TTC34: variants seen among roughly 807,000 people sequenced by gnomAD.
TTC34 encodes the protein tetratricopeptide repeat domain 34, also known as tetratricopeptide repeat protein 34.
Under a neutral mutation model 40.7 loss-of-function variants are expected in TTC34, and 44 were observed. The observed-to-expected ratio is 1.08, with a 90% CI of 0.85 to 1.39. The LOEUF (loss-of-function observed/expected upper bound fraction) is 1.39, where lower values mean the gene tolerates loss of function less well. Among genes scored for constraint, TTC34 ranks in the 40% most tolerant of loss-of-function variants. TTC34 has a pLI of 0.00. For synonymous variants in TTC34, 422 were observed against 398.6 expected, an observed-to-expected ratio of 1.06 and a Z score of -0.70; for missense variants, 884 against 838.0, an observed-to-expected ratio of 1.05 and a Z score of -0.68.
At chr1:2,784,791 T>C (rs1463128743) in intron 5 of TTC34, among the ~76,000 whole-genome samples, 1 of 152,278 alleles carries the variant, frequency 6.6e-6, no homozygotes, top group Non-Finnish European at 1.5e-5. Context: ...ATTTGTATCA[T>C]GACTATTCTT....
intron 6 of TTC34, among the ~76,000 whole-genome samples, chr1:2,646,918 C>T (rs1639030141): frequency 6.6e-6 from 1 of 152,314 alleles, no homozygotes; most frequent in Admixed American, 6.5e-5. Context: ...TTCTGAAGGA[C>T]ATTTTAACAA....
chr1:2,797,771 G>A (rs1046379251), intron 2 of TTC34, among the ~76,000 whole-genome samples: 3 of 151,918 alleles, frequency 2.0e-5, no homozygotes, highest in Non-Finnish European at 2.9e-5. Flanking sequence ...CAAACTGGGG[G>A]CGTCTAAACC....
At chr1:2,789,615 C>A in exon 3 of TTC34, 1 of 1,382,074 alleles carries the variant, frequency 7.2e-7, no homozygotes, top group East Asian at 3.1e-5. Context: ...TCCCGCAGCA[C>A]CACCAGCAGC....
chr1:2,781,312 T>A (rs1643479646), intron 6 of TTC34, among the ~76,000 whole-genome samples: 1 of 152,242 alleles, frequency 6.6e-6, no homozygotes, highest in African/African-American at 2.4e-5. Context: ...TGACTGTATT[T>A]TCTTAATTCC....
intron 6 of TTC34, among the ~76,000 whole-genome samples, chr1:2,653,658 GAGCATCTGACAGCC>G (rs1350880725): frequency 2.6e-5 from 4 of 151,500 alleles, no homozygotes; most frequent in Non-Finnish European, 3.0e-5. Flanking sequence ...ACCCCCAGGC[GAGCATCTGACAGCC>G]TGGAACAGCA....
chr1:2,687,909 C>T, intron 6 of TTC34, among the ~76,000 whole-genome samples: 2 of 147,848 alleles, frequency 1.4e-5, no homozygotes, highest in African/African-American at 2.4e-5. Context: ...ATCTGACAGA[C>T]TGGAACAGCA....
intron 6 of TTC34, among the ~76,000 whole-genome samples, chr1:2,748,096 GACCTCCCA>G (rs1641209357): frequency 1.7e-5 from 1 of 58,616 alleles, no homozygotes; most frequent in Non-Finnish European, 2.8e-5. Flanking sequence ...GTGAGCATTT[GACCTCCCA>G]GAGCAGCACC....
At chr1:2,760,638 C>T (rs1255605538) in intron 6 of TTC34, among the ~76,000 whole-genome samples, 2 of 16,792 alleles carry the variant, frequency 1.2e-4, no homozygotes, top group Non-Finnish European at 1.7e-4. Flanking sequence ...TGGAGCAGCG[C>T]CCACACCTCC....
intron 6 of TTC34, among the ~76,000 whole-genome samples, chr1:2,751,356 G>A (rs1419156364): frequency 2.1e-3 from 158 of 74,298 alleles, no homozygotes; most frequent in African/African-American, 6.4e-3. Flanking sequence ...AGCCTGGGTC[G>A]GCACCCACAC....
intron 6 of TTC34, among the ~76,000 whole-genome samples, chr1:2,685,792 C>T (rs1377912097): frequency 6.3e-5 from 8 of 127,068 alleles, no homozygotes; most frequent in Admixed American, 4.0e-4. Context: ...TGGAACAGAA[C>T]CCACACCCCC....
At position 2,752,365 on chromosome 1, in the gene TTC34, C is replaced by G. The variant is rs1263306056; in HGVS notation, c.2226+31244G>C. On this transcript the variant is annotated intron_variant, in intron 6 of 8. Transcript: ENST00000401095. ...AGCATCTGACCGCCTGGAACAGCAC[C>G]CACACCCCCAGGCGAGCATCTGAGA... Among the ~76,000 whole-genome samples, 5 of 24,764 alleles carry G rather than the reference C, an allele frequency of 2.0e-4. 1 individual carries two copies. Among genetic ancestry groups the G allele is most frequent in the Non-Finnish European group, 4.5e-4 (4 of 8,982 alleles). 16.2% of individuals were successfully genotyped at this position (24,764 alleles called of 152,430 possible).
At chr1:2,684,394 A>C (rs1278261648) in intron 6 of TTC34, among the ~76,000 whole-genome samples, 1 of 120,672 alleles carries the variant, frequency 8.3e-6, no homozygotes, top group Non-Finnish European at 1.7e-5. Context: ...CAGAATCCAC[A>C]CCCCCAGGTG....
chr1:2,749,842 C>T (rs1641259240), intron 6 of TTC34, among the ~76,000 whole-genome samples: 23 of 136,432 alleles, frequency 1.7e-4, no homozygotes, highest in Admixed American at 2.3e-4. Flanking sequence ...ACAGCACCCA[C>T]ACCCCCAGGT....
exon 3 of TTC34, chr1:2,790,273 C>T (rs1643648583): frequency 7.5e-6 from 3 of 398,382 alleles, no homozygotes; most frequent in Admixed American, 8.8e-5. Flanking sequence ...GGTTCCAAAA[C>T]ACGTCCTGGG....
chr1:2,644,392 G>A, exon 8 of TTC34: 2 of 1,536,018 alleles, frequency 1.3e-6, no homozygotes, highest in East Asian at 2.4e-5. Context: ...TTGAGCTGGA[G>A]CAGGCCCAGC....
intron 6 of TTC34, among the ~76,000 whole-genome samples, chr1:2,749,502 C>G (rs1369359559): frequency 6.8e-5 from 5 of 73,686 alleles, no homozygotes; most frequent in Middle Eastern, 8.3e-3. Context: ...GAGCATTGGA[C>G]AGCCTGGAGC....
Position 2,789,492 on chromosome 1 carries a change from C to T in TTC34, c.1628+11G>A. On this transcript the variant is annotated intron_variant, in intron 3 of 8. Coordinates refer to ENST00000401095, the Ensembl canonical transcript of TTC34. ...AAGCAGCGGCCCCAGCGTGCCCGGG[C>T]GGGTCCTCACCCCTCCTGCGTGGTG... 6.6e-7 allele frequency: 1 copy of T among 1,507,742 alleles called. No individual in the cohort carries two copies. Among genetic ancestry groups the T allele is most frequent in the Non-Finnish European group, 8.8e-7 (1 of 1,132,222 alleles). The allele number at this position is 1,507,742 out of a possible 1,614,324, so 93.4% of individuals were successfully genotyped here.
intron 2 of TTC34, among the ~76,000 whole-genome samples, chr1:2,791,041 A>G (rs575526974): frequency 4.2e-4 from 64 of 152,314 alleles, no homozygotes; most frequent in African/African-American, 1.5e-3. Flanking sequence ...ATCTACCTAC[A>G]TCCAGTGCCT....
In TTC34 at chr1:2,688,620, C is replaced by T. The variant is rs375447207; in HGVS notation, c.2227-43057G>A. 3.8e-4 allele frequency among the ~76,000 whole-genome samples: 35 copies of T among 90,978 alleles called. No homozygotes were observed. The East Asian group carries it at 0.011, about 29-fold the overall frequency. The allele number at this position is 90,978 out of a possible 152,430, so 59.7% of individuals were successfully genotyped here. On this transcript the variant is annotated intron_variant, in intron 6 of 8. Coordinates refer to ENST00000401095, the Ensembl canonical transcript of TTC34. ...GGAGCAGCACCCACACCCCCAGGTGCGCATCTGATGGTCTGGAGTAGCACC... is the reference window on the plus strand; with the variant it reads ...GGAGCAGCACCCACACCCCCAGGTGTGCATCTGATGGTCTGGAGTAGCACC...
Sources: allele counts gnomAD v4.1 joint callset (sites outside exome capture counted in the v4.1 genomes callset), GRCh38; gene constraint gnomAD v4.1.1; transcripts MANE v1.5; gene names NCBI Gene and HGNC (gene_info 2026-07-23, HGNC 2026-07-21).